Variants in NUP133 observed in about 807,000 individuals in gnomAD.
The protein encoded by NUP133 is nuclear pore complex protein Nup133.
Under a neutral mutation model 146.2 loss-of-function variants are expected in NUP133, and 66 were observed. The observed-to-expected ratio is 0.45, with a 90% CI of 0.37 to 0.55. The LOEUF is 0.55. Among genes scored for constraint, NUP133 ranks in the 20% least tolerant of loss-of-function variants. NUP133 has a pLI of 0.00. For synonymous variants in NUP133, 521 were observed against 498.8 expected, an observed-to-expected ratio of 1.04 and a Z score of -0.59; for missense variants, 1,277 against 1,374.8, an observed-to-expected ratio of 0.93 and a Z score of 1.12.
chr1:229,464,679 A>G lies in NUP133; in HGVS notation c.2496T>C (p.Tyr832=), dbSNP rs758902400. Residue 832 remains tyrosine (Y), a synonymous_variant, in exon 18 of 26, where the codon TAT becomes TAC. Coordinates refer to ENST00000261396, the MANE Select transcript of NUP133 (RefSeq NM_018230.3). ...SVDKSSNRER[Y]DNLEMEYLQK... ...GTAGGTATTCCATCTCCAGATTGTC[A>G]TATCTTTCCCGATTACTGGATTTAT... 34 of 1,614,068 alleles carry G rather than the reference A, an allele frequency of 2.1e-5. No individual in the cohort carries two copies. Among genetic ancestry groups the G allele is most frequent in the Non-Finnish European group, 2.4e-5 (28 of 1,180,012 alleles).
intron 25 of NUP133, among the ~76,000 whole-genome samples, chr1:229,444,163 T>G (rs1361911305): frequency 6.6e-6 from 1 of 151,816 alleles, no homozygotes; most frequent in Non-Finnish European, 1.5e-5. Flanking sequence ...AAACCCTGTC[T>G]CTACTAAAAA....
chr1:229,444,179 A>C (rs1180979880), intron 25 of NUP133, among the ~76,000 whole-genome samples: 2 of 151,866 alleles, frequency 1.3e-5, no homozygotes, highest in East Asian at 3.9e-4. Flanking sequence ...AAAAATACAA[A>C]AATTAGCCAG....
At chr1:229,443,516 G>T (rs1317810340) in intron 25 of NUP133, among the ~76,000 whole-genome samples, 5 of 152,106 alleles carry the variant, frequency 3.3e-5, no homozygotes, top group African/African-American at 4.8e-5. Flanking sequence ...AGAATGCACA[G>T]GCTGAAGTAG....
intron 18 of NUP133, among the ~76,000 whole-genome samples, 183 bp downstream of exon 18, chr1:229,464,441 A>G (rs553291016): frequency 4.6e-5 from 7 of 152,324 alleles, no homozygotes; most frequent in African/African-American, 1.4e-4. Context: ...CATCTATGGT[A>G]CTTATACCTA....
At chr1:229,475,938 T>A (rs753542887) in intron 13 of NUP133, among the ~76,000 whole-genome samples, 24 of 152,040 alleles carry the variant, frequency 1.6e-4, no homozygotes, top group Non-Finnish European at 3.4e-4. Flanking sequence ...TGAAACCCGA[T>A]CTCTACTAAA....
chr1:229,496,750 G>A (rs1328429032), intron 6 of NUP133, among the ~76,000 whole-genome samples: 1 of 152,186 alleles, frequency 6.6e-6, no homozygotes, highest in African/African-American at 2.4e-5. Flanking sequence ...GGGATACCAA[G>A]GAGGGAGGCT....
Position 229,441,782 on chromosome 1 carries a change from A to T in NUP133, c.*122T>A. 1 of 804,272 alleles carries T rather than the reference A, an allele frequency of 1.2e-6. No homozygotes were observed. Among genetic ancestry groups the T allele is most frequent in the East Asian group, 2.7e-5 (1 of 36,900 alleles). 49.8% of individuals were successfully genotyped at this position (804,272 alleles called of 1,614,324 possible). On this transcript the variant is annotated 3_prime_UTR_variant, in exon 26 of 26. Coordinates refer to ENST00000261396, the MANE Select transcript of NUP133 (RefSeq NM_018230.3). ...TTTTATATTAGCTTCCTACATATAA[A>T]GTATAAAAACTCAGCTATACATGTT...
In NUP133 at chr1:229,466,689, G is replaced by A; in HGVS notation, c.2144C>T (p.Pro715Leu). 6.2e-7 allele frequency: 1 copy of A among 1,613,890 alleles called. No individual in the cohort carries two copies. Among genetic ancestry groups the A allele is most frequent in the South Asian group, 1.1e-5 (1 of 91,072 alleles). Residue 715 changes from proline (P) to leucine (L), a missense_variant, in exon 16 of 26, where the codon CCT becomes CTT. Transcript: ENST00000261396. ...EHEEQVLRDA[P>L]MDSIEWAEVV... ...TTCAGCCCATTCAATGGAATCCATA[G>A]GTGCATCCCTCAAGACTTGCTCCTC...
chr1:229,495,680 G>A lies in NUP133; in HGVS notation c.976-115C>T, dbSNP rs115173476. The A allele has an allele frequency of 1.7e-3, 1,551 of 889,252 alleles. 18 individuals are homozygous for A. In the African/African-American group the frequency reaches 0.025, roughly 14 times the overall value. The allele number at this position is 889,252 out of a possible 1,614,324, so 55.1% of individuals were successfully genotyped here. On this transcript the variant is annotated intron_variant, in intron 7 of 25. Coordinates refer to ENST00000261396, the MANE Select transcript of NUP133 (RefSeq NM_018230.3). Reference sequence around the variant, plus strand: ...ACCCATAACTCAGTTGCTGAATAATGTATACATTAAAAAAAAAATCGCTAA... The same window carrying A: ...ACCCATAACTCAGTTGCTGAATAATATATACATTAAAAAAAAAATCGCTAA...
intron 24 of NUP133, among the ~76,000 whole-genome samples, chr1:229,446,742 A>C (rs931789588): frequency 2.4e-4 from 36 of 150,330 alleles, no homozygotes; most frequent in Non-Finnish European, 5.3e-4. Context: ...TCAAAAAAAA[A>C]ATTTTTTTTT....
intron 15 of NUP133, 62 bp from the exon 16 acceptor site, chr1:229,466,818 C>A (rs2102759651): frequency 6.4e-7 from 1 of 1,550,594 alleles, no homozygotes; most frequent in South Asian, 1.1e-5. Flanking sequence ...GTAACAACTA[C>A]CCAGTGAGTT....
chr1:229,475,231 A>G (rs1661048265), intron 14 of NUP133, among the ~76,000 whole-genome samples: 1 of 152,224 alleles, frequency 6.6e-6, no homozygotes, highest in African/African-American at 2.4e-5. Flanking sequence ...TTTATGTAAC[A>G]ATTCTGTCCA....
chr1:229,449,981 G>A (rs1660409380), intron 23 of NUP133, among the ~76,000 whole-genome samples: 1 of 144,558 alleles, frequency 6.9e-6, no homozygotes. Flanking sequence ...CTGGATTCAA[G>A]AGACTCATGC....
At chr1:229,485,248 C>A (rs1023796925) in intron 11 of NUP133, among the ~76,000 whole-genome samples, 1 of 152,258 alleles carries the variant, frequency 6.6e-6, no homozygotes, top group East Asian at 1.9e-4. Flanking sequence ...TGGGAAATGG[C>A]CCCGCTGACA....
chr1:229,493,443 G>A (rs1259512406), intron 8 of NUP133, among the ~76,000 whole-genome samples: 1 of 152,162 alleles, frequency 6.6e-6, no homozygotes, highest in Non-Finnish European at 1.5e-5. Context: ...GCTTCCCAAA[G>A]TGCTGGGATT....
intron 21 of NUP133, 24 bp from the exon 22 acceptor site, chr1:229,452,667 G>A (rs1660479616): frequency 1.3e-6 from 2 of 1,531,514 alleles, no homozygotes; most frequent in South Asian, 2.3e-5. Context: ...TGAGAGGGAG[G>A]GAAAGAGAAT....
intron 11 of NUP133, among the ~76,000 whole-genome samples, chr1:229,485,217 G>A (rs1661318295): frequency 6.6e-6 from 1 of 152,160 alleles, no homozygotes; most frequent in South Asian, 2.1e-4. Context: ...TACAACAAAG[G>A]AAGATAGAAA....
intron 11 of NUP133, among the ~76,000 whole-genome samples, chr1:229,484,464 T>G (rs976412181): frequency 6.6e-5 from 10 of 152,238 alleles, no homozygotes; most frequent in African/African-American, 2.4e-4. Context: ...CCATGGGTTG[T>G]GGGTTGGACA....
intron 14 of NUP133, among the ~76,000 whole-genome samples, chr1:229,472,175 C>T (rs903703204): frequency 2.0e-5 from 3 of 152,092 alleles, no homozygotes; most frequent in South Asian, 4.1e-4. Flanking sequence ...AAAAATTAGC[C>T]GGGCGTGGTG....
Sources: gnomAD v4.1 joint callset for allele counts (sites outside exome capture counted in the v4.1 genomes callset) on GRCh38, gnomAD v4.1.1 for gene constraint, MANE v1.5 for transcripts, NCBI Gene and HGNC (gene_info 2026-07-23, HGNC 2026-07-21) for gene names.